Variants in KIAA1210 observed in about 807,000 individuals in gnomAD.
KIAA1210 encodes KIAA1210.
Under a neutral mutation model 78.9 loss-of-function variants are expected in KIAA1210, and 48 were observed. The ratio of observed to expected loss-of-function variants is 0.61; its 90% CI spans 0.48 to 0.77. The LOEUF is 0.77. Among genes scored for constraint, KIAA1210 ranks in the 30% least tolerant of loss-of-function variants. KIAA1210 has a pLI of 0.00. For synonymous variants in KIAA1210, 406 were observed against 404.5 expected (o/e 1.00, Z -0.04); for missense variants, 1,108 against 1,100.0 (o/e 1.01, Z -0.10).
At chrX:119,105,261 T>A in intron 5 of KIAA1210, 114 bp from the exon 6 acceptor site, 1 of 777,317 alleles carries the variant, frequency 1.3e-6, no homozygotes, top group Non-Finnish European at 1.8e-6. Context: ...GTTGAAGGAC[T>A]AAGAATCCAA....
intron 2 of KIAA1210, among the ~76,000 whole-genome samples, chrX:119,140,757 G>A (rs1929030826): frequency 9.0e-6 from 1 of 110,976 alleles, no homozygotes. Context: ...TTCTTCACGT[G>A]TGAAGTTAAA....
intron 1 of KIAA1210, among the ~76,000 whole-genome samples, chrX:119,125,748 T>C (rs1489933755): frequency 1.5e-5 from 1 of 65,756 alleles, no homozygotes; most frequent in African/African-American, 5.5e-5. Context: ...TTTTTTTTTT[T>C]TTTTTTGGAG....
At chrX:119,083,238 T>A in intron 10 of KIAA1210, 118 bp from the exon 11 acceptor site, 1 of 411,593 alleles carries the variant, frequency 2.4e-6, no homozygotes, top group Non-Finnish European at 4.0e-6. Flanking sequence ...TTTAACAGTA[T>A]CCAAAAGGAA....
At position 119,089,404 on chromosome X, in the gene KIAA1210, C is replaced by T; in HGVS notation, c.1298G>A (p.Gly433Glu). 1 of 1,211,570 alleles carries T rather than the reference C, an allele frequency of 8.3e-7. No individual in the cohort carries two copies. Among genetic ancestry groups the T allele is most frequent in the Non-Finnish European group, 1.1e-6 (1 of 895,371 alleles). ...CATGTCATCTTTATCTGAAAGCAACCCCTGAGGGGTAGTGGTTTCTGGTTG... is the reference window on the plus strand; with the variant it reads ...CATGTCATCTTTATCTGAAAGCAACTCCTGAGGGGTAGTGGTTTCTGGTTG... ...TSQPETTTPQ[G>E]LLSDKDDMGR... Residue 433 changes from glycine (G) to glutamate (E), a missense_variant, in exon 9 of 12, where the codon GGG (glycine) becomes GAG (glutamate). By Grantham distance (98) the Gly-to-Glu change is moderately conservative. Coordinates refer to ENST00000691062, the MANE Select transcript of KIAA1210 (RefSeq NM_001394962.1).
intron 2 of KIAA1210, among the ~76,000 whole-genome samples, chrX:119,134,386 A>G (rs1928864862): frequency 8.9e-6 from 1 of 112,529 alleles, no homozygotes. Flanking sequence ...ATTGATGGAC[A>G]GTTAGATTAA....
intron 2 of KIAA1210, among the ~76,000 whole-genome samples, chrX:119,119,631 G>C (rs1228711886): frequency 9.0e-6 from 1 of 111,588 alleles, no homozygotes; most frequent in Non-Finnish European, 1.9e-5. Context: ...GATTGCTTGA[G>C]CTCAGGAGTT....
intron 2 of KIAA1210, among the ~76,000 whole-genome samples, chrX:119,123,071 C>T (rs1271909839): frequency 2.7e-5 from 3 of 112,037 alleles, no homozygotes; most frequent in African/African-American, 9.7e-5. Flanking sequence ...CATTTGCCTC[C>T]CTTTCTAATT....
At chrX:119,099,922 G>A (rs1927681216) in intron 6 of KIAA1210, among the ~76,000 whole-genome samples, 2 of 111,581 alleles carry the variant, frequency 1.8e-5, no homozygotes, top group African/African-American at 6.5e-5. Flanking sequence ...AGCAAGTTCA[G>A]GAATAATCCC....
At chrX:119,143,571 C>A (rs981018576) in intron 2 of KIAA1210, among the ~76,000 whole-genome samples, 1 of 112,376 alleles carries the variant, frequency 8.9e-6, no homozygotes, top group Admixed American at 9.4e-5. Flanking sequence ...CTTTTGGACA[C>A]TGTAGTGGCA....
chrX:119,110,471 C>T (rs749228224), intron 3 of KIAA1210, among the ~76,000 whole-genome samples: 4 of 110,819 alleles, frequency 3.6e-5, no homozygotes, highest in South Asian at 7.6e-4. Flanking sequence ...GATTATAGAC[C>T]GGGAAATTAG....
intron 2 of KIAA1210, among the ~76,000 whole-genome samples, chrX:119,144,612 C>A (rs1929126149): frequency 8.9e-6 from 1 of 111,973 alleles, no homozygotes; most frequent in East Asian, 2.8e-4. Context: ...TCTGAAGTGG[C>A]CTTTAAATAG....
At chrX:119,139,855 T>A (rs1395735703) in intron 2 of KIAA1210, among the ~76,000 whole-genome samples, 1 of 111,804 alleles carries the variant, frequency 8.9e-6, no homozygotes, top group Non-Finnish European at 1.9e-5. Context: ...AAGATGTGAG[T>A]CTCCAATGAG....
intron 10 of KIAA1210, among the ~76,000 whole-genome samples, chrX:119,083,595 CTG>C (rs1415104490): frequency 8.9e-6 from 1 of 112,035 alleles, no homozygotes; most frequent in African/African-American, 3.2e-5. Flanking sequence ...AGTAATATAA[CTG>C]TAGGTCTTTC....
intron 2 of KIAA1210, among the ~76,000 whole-genome samples, chrX:119,123,172 A>C (rs1255307078): frequency 1.8e-5 from 2 of 112,124 alleles, no homozygotes; most frequent in Non-Finnish European, 3.8e-5. Context: ...AATTTTTGTA[A>C]ATTTAATCCT....
At chrX:119,126,771 A>G (rs1928658927) in intron 1 of KIAA1210, among the ~76,000 whole-genome samples, 2 of 112,314 alleles carry the variant, frequency 1.8e-5, no homozygotes, top group African/African-American at 3.2e-5. Flanking sequence ...AGCAAAGAGG[A>G]AGGAAAATTC....
rs747833997 is a variant in KIAA1210 at position 119,150,385 on chromosome X, C to A, written c.195G>T (p.Glu65Asp). Residue 65 changes from glutamate (E) to aspartate (D), a missense_variant, in exon 1 of 14, where the codon GAG becomes GAT. Coordinates refer to the KIAA1210 transcript ENST00000402510. The stretch of plus-strand genomic sequence containing the variant: ...GGTCAGTCACTGCAGCTGGGCCAAG[C>A]TCCCCCTTGGTGCTTCCCTCCTTCT... The A allele has an allele frequency of 5.0e-6, 6 of 1,211,015 alleles. No homozygotes were observed. In the Admixed American group the frequency reaches 1.3e-4, roughly 26 times the overall value.
chrX:119,118,855 C>T (rs1029488211), intron 2 of KIAA1210, among the ~76,000 whole-genome samples: 1 of 112,223 alleles, frequency 8.9e-6, no homozygotes, highest in Non-Finnish European at 1.9e-5. Flanking sequence ...TCTGGGTATC[C>T]GTGAGAAAGA....
intron 2 of KIAA1210, among the ~76,000 whole-genome samples, chrX:119,143,622 G>A (rs1929100507): frequency 8.9e-6 from 1 of 112,297 alleles, no homozygotes; most frequent in Non-Finnish European, 1.9e-5. Context: ...CTCCAGAAAG[G>A]ACTAAATGGC....
In KIAA1210 at chrX:119,105,170, G is replaced by T. The variant is rs377594561; in HGVS notation, c.493-23C>A. 1.5e-4 allele frequency: 172 copies of T among 1,167,884 alleles called. 1 individual carries two copies. The highest frequency in any genetic ancestry group is 7.2e-4 in the Admixed American group (28 of 38,969). ...GTTCTGTCAAGAGGGAGAATAGAAG[G>T]AACAATTTAAAACCTGTGCTCTCTT... On this transcript the variant is annotated intron_variant, in intron 5 of 11. Coordinates refer to ENST00000691062, the MANE Select transcript of KIAA1210 (RefSeq NM_001394962.1).
Sources: allele counts gnomAD v4.1 joint callset (sites outside exome capture counted in the v4.1 genomes callset), GRCh38; gene constraint gnomAD v4.1.1; transcripts MANE v1.5; gene names NCBI Gene and HGNC (gene_info 2026-07-23, HGNC 2026-07-21).